The following GLT1D1 variants were observed in gnomAD, a reference collection of about 807,000 sequenced individuals.
The protein encoded by GLT1D1 is glycosyltransferase 1 domain-containing protein 1.
GLT1D1 carries 21 observed loss-of-function variants against 28.7 expected under a neutral mutation model. The ratio of observed to expected loss-of-function variants is 0.73; its 90% confidence interval spans 0.52 to 1.05. GLT1D1 has a LOEUF of 1.05. GLT1D1 is among the 50% of genes least tolerant of loss of function. The pLI, the probability that GLT1D1 is intolerant of heterozygous loss-of-function variation, is 0.00. For missense variants in GLT1D1, 343 were observed against 330.6 expected, an observed-to-expected ratio of 1.04 and a Z score of -0.29; for synonymous variants, 147 against 124.8, an observed-to-expected ratio of 1.18 and a Z score of -1.19.
intron 2 of GLT1D1, 75 bp downstream of exon 2, chr12:128,876,137 C>A: frequency 1.5e-6 from 2 of 1,306,834 alleles, no homozygotes; most frequent in Non-Finnish European, 2.1e-6. Context: ...TCCAATAACA[C>A]GGGAAACAGT....
intron 4 of GLT1D1, among the ~76,000 whole-genome samples, chr12:128,938,538 G>A (rs755555629): frequency 1.1e-4 from 16 of 152,172 alleles, no homozygotes; most frequent in Admixed American, 2.6e-4. Context: ...TAATACACAC[G>A]TGAAACATCT....
chr12:128,903,325 G>A (rs559608558), intron 4 of GLT1D1, among the ~76,000 whole-genome samples: 1 of 151,836 alleles, frequency 6.6e-6, no homozygotes, highest in East Asian at 1.9e-4. Flanking sequence ...AGGCTCGGCA[G>A]GAAGAGAGAA....
chr12:128,943,073 C>T (rs1299197407), intron 4 of GLT1D1, among the ~76,000 whole-genome samples: 1 of 152,170 alleles, frequency 6.6e-6, no homozygotes, highest in Non-Finnish European at 1.5e-5. Flanking sequence ...AATGGCTTCT[C>T]AGATGACACC....
At chr12:128,965,082 A>C (rs1878323049) in intron 7 of GLT1D1, among the ~76,000 whole-genome samples, 2 of 152,222 alleles carry the variant, frequency 1.3e-5, no homozygotes, top group Non-Finnish European at 2.9e-5. Flanking sequence ...CTGTTATGGT[A>C]GGCTACGTGG....
chr12:128,975,666 G>A (rs1407153521), intron 7 of GLT1D1, among the ~76,000 whole-genome samples: 1 of 152,124 alleles, frequency 6.6e-6, no homozygotes, highest in Non-Finnish European at 1.5e-5. Flanking sequence ...TGGCCAGGCT[G>A]GGCTTGAACT....
intron 4 of GLT1D1, among the ~76,000 whole-genome samples, chr12:128,923,773 G>A (rs1331806059): frequency 6.6e-6 from 1 of 151,680 alleles, no homozygotes; most frequent in Non-Finnish European, 1.5e-5. Flanking sequence ...CTGCCCTCCC[G>A]CCTCCCACAA....
chr12:128,977,932 G>C (rs1401403345), intron 7 of GLT1D1, among the ~76,000 whole-genome samples: 1 of 151,674 alleles, frequency 6.6e-6, no homozygotes, highest in Non-Finnish European at 1.5e-5. Context: ...ACAGGTGTGT[G>C]CCACCATGAC....
chr12:128,957,545 G>A lies in GLT1D1; in HGVS notation c.541G>A (p.Ala181Thr), dbSNP rs1179096639. The A allele has an allele frequency of 4.3e-6, 7 of 1,610,290 alleles. No homozygotes were observed. Among genetic ancestry groups the A allele is most frequent in the Admixed American group, 1.7e-5 (1 of 59,986 alleles). Reference sequence around the variant, plus strand: ...CCCCCTTTTCTCCTGTCTCCTCCAGGCAATGGATTTAGAAGTACCGGTATT... The same window carrying A: ...CCCCCTTTTCTCCTGTCTCCTCCAGACAATGGATTTAGAAGTACCGGTATT... Residue 181 changes from alanine (A) to threonine (T), a missense_variant and splice_region_variant, in exon 7 of 8, where the codon GCA (alanine) becomes ACA (threonine). Ala to Thr is a moderately conservative substitution (Grantham distance 58). Transcript: ENST00000281703.
rs1179876211 is a variant in GLT1D1 at position 128,875,658 on chromosome 12, C to T, written c.69-256C>T. On this transcript the variant is annotated intron_variant, in intron 1 of 7. Transcript: ENST00000281703. The stretch of plus-strand genomic sequence containing the variant: ...CTAAAAATACAAAAAATTAGCCAGG[C>T]GTAGTGGTGCACACGTGTAGTCTCA... Among the ~76,000 whole-genome samples, 9 of 151,978 alleles carry T rather than the reference C, an allele frequency of 5.9e-5. No individual in the cohort carries two copies. In the South Asian group the frequency reaches 6.2e-4, roughly 11 times the overall value.
intron 3 of GLT1D1, among the ~76,000 whole-genome samples, chr12:128,898,860 CCCTTGGCAGAG>C (rs1270451987): frequency 1.3e-5 from 2 of 152,232 alleles, no homozygotes; most frequent in Non-Finnish European, 2.9e-5. Flanking sequence ...CCATAGTCTT[CCCTTGGCAGAG>C]CTAGTGGAGT....
chr12:128,864,207 G>A, intron 1 of GLT1D1: 1 of 659,978 alleles, frequency 1.5e-6, no homozygotes, highest in Admixed American at 2.3e-5. Context: ...TAGGGCAGTT[G>A]CAACCCACGG....
chr12:128,919,227 G>C (rs1246175613), intron 4 of GLT1D1, among the ~76,000 whole-genome samples: 1 of 152,152 alleles, frequency 6.6e-6, no homozygotes, highest in East Asian at 1.9e-4. Context: ...ACTGTGATTT[G>C]TCCCTCCCAC....
chr12:128,908,484 T>TTTCTTTCC (rs1204467877), intron 4 of GLT1D1, among the ~76,000 whole-genome samples: 6 of 151,660 alleles, frequency 4.0e-5, no homozygotes, highest in African/African-American at 1.5e-4. Context: ...TCTTTCTTTT[T>TTTCTTTCC]TTCTTTCCTT....
chr12:128,905,615 C>G (rs1423248043), intron 4 of GLT1D1, among the ~76,000 whole-genome samples: 1 of 152,062 alleles, frequency 6.6e-6, no homozygotes, highest in Non-Finnish European at 1.5e-5. Context: ...ATTTGAAATG[C>G]CTTTGTTTAT....
intron 2 of GLT1D1, among the ~76,000 whole-genome samples, chr12:128,884,834 G>T (rs1957140649): frequency 6.6e-6 from 1 of 151,514 alleles, no homozygotes; most frequent in Non-Finnish European, 1.5e-5. Context: ...AAAAAAAATT[G>T]CTAAGACAGT....
intron 4 of GLT1D1, among the ~76,000 whole-genome samples, chr12:128,939,763 C>T (rs1874942648): frequency 1.3e-5 from 2 of 151,520 alleles, no homozygotes; most frequent in Middle Eastern, 3.4e-3. Context: ...AGGTGCCACA[C>T]ACATTTAAAC....
intron 3 of GLT1D1, among the ~76,000 whole-genome samples, chr12:128,898,946 T>A (rs1869938079): frequency 6.6e-6 from 1 of 152,252 alleles, no homozygotes; most frequent in Non-Finnish European, 1.5e-5. Flanking sequence ...CTCTCCTGCA[T>A]CTTCATTTCT....
chr12:128,982,511 GC>G (rs1880416207), intron 7 of GLT1D1, among the ~76,000 whole-genome samples: 1 of 152,140 alleles, frequency 6.6e-6, no homozygotes, highest in African/African-American at 2.4e-5. Flanking sequence ...ATTGTATGGG[GC>G]TCAGACTCTG....
intron 1 of GLT1D1, among the ~76,000 whole-genome samples, chr12:128,858,314 C>G (rs141817090): frequency 2.6e-5 from 4 of 152,274 alleles, no homozygotes; most frequent in African/African-American, 9.6e-5. Context: ...CCAAAACATG[C>G]TTCTGTGCCA....
Sources: allele counts gnomAD v4.1 joint callset (sites outside exome capture counted in the v4.1 genomes callset), GRCh38; gene constraint gnomAD v4.1.1; transcripts MANE v1.5; gene names NCBI Gene and HGNC (gene_info 2026-07-23, HGNC 2026-07-21).